Variants in BRCA2 observed in about 807,000 individuals in gnomAD.
The protein encoded by BRCA2 is BRCA2 DNA repair associated.
A neutral mutation model predicts 276.7 loss-of-function variants in BRCA2; 203 were observed. The observed-to-expected ratio is 0.73, with a 90% CI of 0.65 to 0.82. The LOEUF is 0.82. Among genes scored for constraint, BRCA2 ranks in the 40% least tolerant of loss-of-function variants. The probability of loss-of-function intolerance (pLI) is 0.00; values close to 1 mark genes in which losing one functional copy is unlikely to be tolerated. For synonymous variants in BRCA2, 1,289 were observed against 1,338.4 expected (o/e 0.96, Z 0.81); for missense variants, 3,920 against 3,915.0 (o/e 1.00, Z -0.03).
rs760482209 is a variant in BRCA2, at chr13:32,339,428, A to T, written c.5073A>T (p.Lys1691Asn). 6.3e-7 allele frequency: 1 copy of T among 1,593,234 alleles called. No individual in the cohort carries two copies. The highest frequency in any genetic ancestry group is 1.2e-5 in the South Asian group (1 of 86,768). Residue 1691 changes from lysine to asparagine, a missense_variant, in exon 11 of 27, where the codon AAA (lysine) becomes AAT (asparagine). Physicochemically the swap from Lys to Asn is moderately conservative, Grantham distance 94. Coordinates refer to ENST00000380152, the MANE Select transcript of BRCA2 (RefSeq NM_000059.4). ...VSQTSLLEAKKWLREGIFDGQ... is the reference protein window; with the variant it reads ...VSQTSLLEAKNWLREGIFDGQ... ...AGACTTCATTACTTGAAGCAAAAAA[A>T]TGGCTTAGAGAAGGAATATTTGATG...
chr13:32,357,891 C>G lies in BRCA2; in HGVS notation c.7767C>G (p.Pro2589=), dbSNP rs2072711060. 6.2e-7 allele frequency: 1 copy of G among 1,614,058 alleles called. No homozygotes were observed. The highest frequency in any genetic ancestry group is 1.7e-5 in the Admixed American group (1 of 60,014). ...IQLADGGWLI[P]SNDGKAGKEE... Reference sequence around the variant, plus strand: ...TGGCTGATGGTGGATGGCTCATACCCTCCAATGATGGAAAGGCTGGAAAAG... The same window carrying G: ...TGGCTGATGGTGGATGGCTCATACCGTCCAATGATGGAAAGGCTGGAAAAG... The change falls in exon 16 of 27, where the codon CCC becomes CCG. Residue 2589 remains proline (P), a synonymous_variant. Coordinates refer to ENST00000380152, the MANE Select transcript of BRCA2 (RefSeq NM_000059.4).
chr13:32,391,357 G>C (rs2072995625), intron 24 of BRCA2, among the ~76,000 whole-genome samples: 1 of 152,202 alleles, frequency 6.6e-6, no homozygotes, highest in Non-Finnish European at 1.5e-5. Flanking sequence ...GGGACTTCTG[G>C]AGCTGGGTGG....
In BRCA2 at chr13:32,338,050, A is replaced by G. The variant is rs756931386; in HGVS notation, c.3695A>G (p.Glu1232Gly). The G allele has an allele frequency of 6.2e-7, 1 of 1,611,854 alleles. No homozygotes were observed. Among genetic ancestry groups the G allele is most frequent in the South Asian group, 1.1e-5 (1 of 90,618 alleles). Residue 1232 changes from glutamate to glycine, a missense_variant, in exon 11 of 27, where the codon GAA becomes GGA. Glu to Gly is a moderately conservative substitution (Grantham distance 98, BLOSUM62 -2). Around this residue, in one of 2 missense-constraint regions of BRCA2, gnomAD observed 3,263 missense variants for 3,156.9 expected, o/e 1.03. Transcript: ENST00000380152. ...AHGTKLNVSTEALQKAVKLFS... is the reference protein window; with the variant it reads ...AHGTKLNVSTGALQKAVKLFS... ...GGCACAAAACTGAATGTTTCTACTG[A>G]AGCTCTGCAAAAAGCTGTGAAACTG...
chr13:32,393,883 T>C (rs2073014938), intron 24 of BRCA2, among the ~76,000 whole-genome samples: 1 of 152,222 alleles, frequency 6.6e-6, no homozygotes. Flanking sequence ...ATACTTCATG[T>C]CACTTCCTCC....
At position 32,379,930 on chromosome 13, in the gene BRCA2, G is replaced by GT; in HGVS notation, c.9117+18dup. 2 of 1,612,944 alleles carry GT rather than the reference G, an allele frequency of 1.2e-6. No homozygotes were observed. On this transcript the variant is annotated intron_variant, in intron 23 of 26. Coordinates refer to ENST00000380152, the MANE Select transcript of BRCA2 (RefSeq NM_000059.4). ...CAACTACCGGTACAAACCTTTCATT[G>GT]TAATTTTTCAGTTTTGATAAGTGCT... is the stretch of plus-strand genomic sequence containing the variant.
rs786202615 is a variant in BRCA2 at position 32,357,893 on chromosome 13, C to G, written c.7769C>G (p.Ser2590Cys). 2 of 1,613,900 alleles carry G rather than the reference C, an allele frequency of 1.2e-6. No individual in the cohort carries two copies. The highest frequency in any genetic ancestry group is 1.7e-6 in the Non-Finnish European group (2 of 1,180,010). Residue 2590 changes from serine (S) to cysteine (C), a missense_variant, in exon 16 of 27, where the codon TCC becomes TGC. Around this residue, in one of 2 missense-constraint regions of BRCA2, gnomAD observed 3,263 missense variants for 3,156.9 expected, o/e 1.03. Coordinates refer to ENST00000380152, the MANE Select transcript of BRCA2 (RefSeq NM_000059.4). ...QLADGGWLIP[S>C]NDGKAGKEEF... Reference sequence around the variant, plus strand: ...GCTGATGGTGGATGGCTCATACCCTCCAATGATGGAAAGGCTGGAAAAGAA... The same window carrying G: ...GCTGATGGTGGATGGCTCATACCCTGCAATGATGGAAAGGCTGGAAAAGAA...
In BRCA2 at chr13:32,377,900, A is replaced by G. The variant is rs137979483; in HGVS notation, c.8754+1109A>G. 9.6e-4 allele frequency among the ~76,000 whole-genome samples: 146 copies of G among 152,312 alleles called. 1 individual carries two copies. The highest frequency in any genetic ancestry group is 3.4e-3 in the African/African-American group (141 of 41,564). On this transcript the variant is annotated intron_variant, in intron 21 of 26. Coordinates refer to ENST00000380152, the MANE Select transcript of BRCA2 (RefSeq NM_000059.4). Reference sequence around the variant, plus strand: ...CTTAAATTTCTTAAATAGTGGGACTACAAAATAAACAATATTTCATCAGTA... The same window carrying G: ...CTTAAATTTCTTAAATAGTGGGACTGCAAAATAAACAATATTTCATCAGTA...
chr13:32,392,544 T>A (rs1376648498), intron 24 of BRCA2, among the ~76,000 whole-genome samples: 1 of 150,724 alleles, frequency 6.6e-6, no homozygotes, highest in East Asian at 1.9e-4. Context: ...GACCCAAGAT[T>A]GCACCACTGC....
intron 24 of BRCA2, among the ~76,000 whole-genome samples, chr13:32,390,169 A>G (rs1050586920): frequency 2.0e-5 from 3 of 152,228 alleles, no homozygotes; most frequent in African/African-American, 7.2e-5. Flanking sequence ...AGATCTAGTC[A>G]TGATGCCTCC....
intron 24 of BRCA2, among the ~76,000 whole-genome samples, chr13:32,388,448 T>G (rs1202482434): frequency 6.6e-6 from 1 of 152,104 alleles, no homozygotes; most frequent in Non-Finnish European, 1.5e-5. Context: ...TTTATAATGG[T>G]CTGAAAACAA....
intron 15 of BRCA2, among the ~76,000 whole-genome samples, 154 bp downstream of exon 15, chr13:32,356,763 G>A (rs929987427): frequency 2.0e-5 from 3 of 152,214 alleles, no homozygotes; most frequent in Admixed American, 2.0e-4. Context: ...GCCTGCAGTG[G>A]CAGCCTCTGG....
At chr13:32,382,615 G>A (rs536304483) in intron 24 of BRCA2, among the ~76,000 whole-genome samples, 3 of 152,292 alleles carry the variant, frequency 2.0e-5, no homozygotes, top group Non-Finnish European at 4.4e-5. Flanking sequence ...CAAAGGAAAT[G>A]GAGGGAAAGG....
intron 20 of BRCA2, among the ~76,000 whole-genome samples, chr13:32,373,718 A>G (rs968776651): frequency 3.9e-5 from 6 of 152,076 alleles, no homozygotes; most frequent in African/African-American, 9.7e-5. Flanking sequence ...ATGGGCTGCC[A>G]TTGAGTGACA....
chr13:32,352,463 A>C (rs1427844976), intron 13 of BRCA2, among the ~76,000 whole-genome samples: 1 of 152,232 alleles, frequency 6.6e-6, no homozygotes, highest in East Asian at 1.9e-4. Flanking sequence ...AAGAATTATA[A>C]TGTAATATAA....
intron 24 of BRCA2, among the ~76,000 whole-genome samples, chr13:32,392,093 T>C (rs2073000507): frequency 6.6e-6 from 1 of 152,222 alleles, no homozygotes; most frequent in Non-Finnish European, 1.5e-5. Flanking sequence ...GAGAAACTTA[T>C]AATTTCTTTA....
intron 9 of BRCA2, 133 bp from the exon 10 acceptor site, chr13:32,332,139 A>C: frequency 8.9e-6 from 8 of 898,226 alleles, no homozygotes; most frequent in Non-Finnish European, 1.3e-5. Flanking sequence ...AGTACTCAGA[A>C]TAACCCTTTA....
chr13:32,323,382 T>C (rs979825993), intron 3 of BRCA2, among the ~76,000 whole-genome samples: 9 of 152,188 alleles, frequency 5.9e-5, no homozygotes, highest in African/African-American at 2.2e-4. Flanking sequence ...CTTGATCTCC[T>C]GACCTCGTGA....
intron 10 of BRCA2, among the ~76,000 whole-genome samples, chr13:32,334,640 C>T (rs2072434532): frequency 6.7e-6 from 1 of 149,912 alleles, no homozygotes; most frequent in Admixed American, 6.7e-5. Context: ...TACCAGTGCA[C>T]TCCAGCCTGG....
At chr13:32,396,863 A>C in intron 25 of BRCA2, 35 bp from the exon 26 acceptor site, 1 of 1,613,322 alleles carries the variant, frequency 6.2e-7, no homozygotes, top group Non-Finnish European at 8.5e-7. Context: ...GTGGGTTTGC[A>C]ATTTATAAAG....
Sources: gnomAD v4.1 joint callset for allele counts (sites outside exome capture counted in the v4.1 genomes callset) on GRCh38, gnomAD v4.1.1 for gene constraint, gnomAD v4.1.1 regional missense constraint, MANE v1.5 for transcripts, NCBI Gene and HGNC (gene_info 2026-07-23, HGNC 2026-07-21) for gene names.